The following THADA variants were observed in gnomAD, a reference collection of about 807,000 sequenced individuals.
The protein encoded by THADA is THADA armadillo repeat containing, also known as tRNA (32-2'-O)-methyltransferase regulator THADA.
In THADA, 213 loss-of-function variants were observed where a neutral mutation model predicts 219.8. The observed-to-expected ratio is 0.97, with a 90% confidence interval of 0.87 to 1.09. The LOEUF is 1.09. THADA is among the 50% of genes least tolerant of loss of function. The probability of loss-of-function intolerance (pLI) is 0.00; values close to 1 mark genes in which losing one functional copy is unlikely to be tolerated. For synonymous variants in THADA, 1,018 were observed against 828.9 expected, an observed-to-expected ratio of 1.23 and a Z score of -3.92; for missense variants, 2,956 against 2,311.3, an observed-to-expected ratio of 1.28 and a Z score of -5.72.
intron 34 of THADA, among the ~76,000 whole-genome samples, chr2:43,290,727 G>A (rs74680616): frequency 3.5e-4 from 53 of 152,180 alleles, no homozygotes; most frequent in East Asian, 2.5e-3. Flanking sequence ...CACCATCAGT[G>A]TGGCTGTGTG....
chr2:43,389,040 C>T (rs537364173), intron 29 of THADA, among the ~76,000 whole-genome samples: 57 of 152,244 alleles, frequency 3.7e-4, no homozygotes, highest in Admixed American at 1.5e-3. Context: ...GACCTTGCTA[C>T]CCACTTCCCG....
intron 31 of THADA, among the ~76,000 whole-genome samples, chr2:43,311,637 T>C (rs1677523204): frequency 6.6e-6 from 1 of 152,138 alleles, no homozygotes; most frequent in African/African-American, 2.4e-5. Flanking sequence ...AACTGATGAA[T>C]GGATAAACAA....
At chr2:43,280,428 T>C (rs917391321) in intron 35 of THADA, among the ~76,000 whole-genome samples, 7 of 152,022 alleles carry the variant, frequency 4.6e-5, no homozygotes, top group African/African-American at 1.5e-4. Flanking sequence ...GGTCAGGAGA[T>C]TGAGACCATC....
At chr2:43,488,309 A>C (rs1687161572) in intron 25 of THADA, among the ~76,000 whole-genome samples, 3 of 152,334 alleles carry the variant, frequency 2.0e-5, no homozygotes, top group African/African-American at 4.8e-5. Context: ...CATTACCTCA[A>C]AATGAAACTC....
At chr2:43,563,148 G>T (rs566618006) in intron 15 of THADA, 2 of 152,176 alleles carry the variant, frequency 1.3e-5, no homozygotes, top group East Asian at 3.9e-4. Flanking sequence ...AGTTAACTTG[G>T]TTATTAATTC....
At chr2:43,515,728 T>A (rs573343270) in intron 22 of THADA, among the ~76,000 whole-genome samples, 9 of 152,106 alleles carry the variant, frequency 5.9e-5, no homozygotes, top group Admixed American at 3.3e-4. Flanking sequence ...ACCAGAATTG[T>A]ATACCCCGTT....
intron 36 of THADA, among the ~76,000 whole-genome samples, chr2:43,262,174 T>C (rs6756625): frequency 0.31 from 47,452 of 152,192 alleles, 10,432 homozygotes; most frequent in African/African-American, 0.63. Flanking sequence ...CCCAAAACAT[T>C]ATGTTTCTTT....
intron 36 of THADA, among the ~76,000 whole-genome samples, chr2:43,260,971 T>C (rs1293341790): frequency 6.6e-6 from 1 of 152,144 alleles, no homozygotes; most frequent in Non-Finnish European, 1.5e-5. Flanking sequence ...TATCCTACTA[T>C]GGCTGTATTT....
At chr2:43,412,571 C>T (rs906288824) in intron 28 of THADA, among the ~76,000 whole-genome samples, 3 of 152,160 alleles carry the variant, frequency 2.0e-5, no homozygotes, top group Admixed American at 2.0e-4. Flanking sequence ...CCAGTTCATA[C>T]AAGTCACAGA....
Position 43,572,834 on chromosome 2 carries a change from A to C in THADA, c.1888T>G (p.Leu630Val). ...CTTACTTGGCAATGCTGATGAATTA[A>C]GCCTTGCTTTATTCTTGCATCAGAC... ...LVSDARIKQG[L>V]IHQHCQVRID... is the part of the protein sequence containing the mutation. The change falls in exon 12 of 38, where the codon TTA (leucine) becomes GTA (valine). Residue 630 changes from leucine (L) to valine (V), a missense_variant. Coordinates refer to ENST00000405975, the MANE Select transcript of THADA (RefSeq NM_022065.5). 6.2e-7 allele frequency: 1 copy of C among 1,613,698 alleles called. No homozygotes were observed. Among genetic ancestry groups the C allele is most frequent in the Non-Finnish European group, 8.5e-7 (1 of 1,179,762 alleles).
At chr2:43,404,073 G>A (rs1235283312) in intron 28 of THADA, among the ~76,000 whole-genome samples, 2 of 152,180 alleles carry the variant, frequency 1.3e-5, no homozygotes, top group East Asian at 1.9e-4. Context: ...AAGCCAACTA[G>A]TGCCTTTGCA....
chr2:43,502,805 T>C (rs1319427295), intron 24 of THADA, among the ~76,000 whole-genome samples: 1 of 151,722 alleles, frequency 6.6e-6, no homozygotes, highest in Non-Finnish European at 1.5e-5. Flanking sequence ...TATATGTAAT[T>C]CAAATAATCA....
rs563281588 is a variant in THADA at position 43,450,810 on chromosome 2, G to A, written c.3837-20508C>T. On this transcript the variant is annotated intron_variant, in intron 26 of 37. Coordinates refer to ENST00000405975, the MANE Select transcript of THADA (RefSeq NM_022065.5). ...AAATATATTCCATATAAATAGTAAC[G>A]GAAGACAGCAGGGGTGGCTATAAAT... 2.6e-5 allele frequency among the ~76,000 whole-genome samples: 4 copies of A among 152,194 alleles called. No homozygotes were observed. The South Asian group carries it at 8.3e-4, about 32-fold the overall frequency.
intron 22 of THADA, among the ~76,000 whole-genome samples, chr2:43,521,046 GGAAGGAAGA>G (rs1692387420): frequency 7.1e-6 from 1 of 140,362 alleles, no homozygotes; most frequent in South Asian, 2.4e-4. Context: ...GGGAAGGAAG[GGAAGGAAGA>G]GAAGGAAGGG....
intron 22 of THADA, among the ~76,000 whole-genome samples, chr2:43,527,643 G>T (rs1230771453): frequency 6.6e-6 from 1 of 151,722 alleles, no homozygotes; most frequent in Admixed American, 6.6e-5. Flanking sequence ...CAAAATCTTT[G>T]AGTTTGCTTC....
At chr2:43,296,700 G>C (rs982275522) in intron 31 of THADA, among the ~76,000 whole-genome samples, 1 of 152,192 alleles carries the variant, frequency 6.6e-6, no homozygotes, top group Non-Finnish European at 1.5e-5. Flanking sequence ...TAAGAGCACA[G>C]TACTATCATC....
chr2:43,441,156 GT>G (rs1445906471), intron 26 of THADA, among the ~76,000 whole-genome samples: 2 of 152,170 alleles, frequency 1.3e-5, no homozygotes, highest in East Asian at 3.8e-4. Flanking sequence ...ATTTGTCAGG[GT>G]TTAAAAATAT....
intron 26 of THADA, among the ~76,000 whole-genome samples, chr2:43,483,882 A>G (rs1281044397): frequency 6.6e-6 from 1 of 152,068 alleles, no homozygotes; most frequent in Non-Finnish European, 1.5e-5. Context: ...CATTTATACC[A>G]GTATTTATCA....
chr2:43,282,418 C>T (rs1275290564), intron 35 of THADA, among the ~76,000 whole-genome samples: 1 of 152,218 alleles, frequency 6.6e-6, no homozygotes, highest in East Asian at 1.9e-4. Context: ...TTGGTCTGAA[C>T]TCCTACAACA....
Sources: allele counts gnomAD v4.1 joint callset (sites outside exome capture counted in the v4.1 genomes callset), GRCh38; gene constraint gnomAD v4.1.1; transcripts MANE v1.5; gene names NCBI Gene and HGNC (gene_info 2026-07-23, HGNC 2026-07-21).